The following COL23A1 variants were observed in gnomAD, a reference collection of about 807,000 sequenced individuals.
COL23A1 encodes collagen type XXIII alpha 1 chain.
A neutral mutation model predicts 99.3 loss-of-function variants in COL23A1; 97 were observed. The observed-to-expected ratio is 0.98, with a 90% CI of 0.83 to 1.16. The LOEUF (loss-of-function observed/expected upper bound fraction) is 1.16, where lower values mean the gene tolerates loss of function less well. Among genes scored for constraint, COL23A1 ranks in the 50% most tolerant of loss-of-function variants. The pLI, the probability that COL23A1 is intolerant of heterozygous loss-of-function variation, is 0.00. For synonymous variants in COL23A1, 320 were observed against 308.2 expected, an observed-to-expected ratio of 1.04 and a Z score of -0.40; for missense variants, 762 against 757.4, an observed-to-expected ratio of 1.01 and a Z score of -0.07.
At chr5:178,367,363 A>C (rs1325028962) in intron 2 of COL23A1, among the ~76,000 whole-genome samples, 1 of 148,588 alleles carries the variant, frequency 6.7e-6, no homozygotes, top group Non-Finnish European at 1.5e-5. Flanking sequence ...GAGCGGCAAG[A>C]AGCAGCAGCC....
At chr5:178,576,465 C>T (rs1763364780) in intron 1 of COL23A1, among the ~76,000 whole-genome samples, 1 of 152,346 alleles carries the variant, frequency 6.6e-6, no homozygotes, top group African/African-American at 2.4e-5. Context: ...GAACTCCTGA[C>T]CTCGTGATCC....
chr5:178,251,703 A>G (rs1765038541), intron 17 of COL23A1, among the ~76,000 whole-genome samples: 1 of 152,178 alleles, frequency 6.6e-6, no homozygotes, highest in African/African-American at 2.4e-5. Flanking sequence ...CCTGATAGGT[A>G]GTTTTTCAAC....
intron 8 of COL23A1, among the ~76,000 whole-genome samples, chr5:178,265,994 C>G (rs1755873162): frequency 2.6e-5 from 4 of 152,190 alleles, no homozygotes; most frequent in Admixed American, 2.6e-4. Context: ...CTAACCCTTA[C>G]CCAGGGGCCA....
intron 2 of COL23A1, among the ~76,000 whole-genome samples, chr5:178,495,499 G>A (rs1195478036): frequency 6.6e-6 from 1 of 152,120 alleles, no homozygotes; most frequent in Non-Finnish European, 1.5e-5. Flanking sequence ...TTAACAGCCC[G>A]AATCCTCTGG....
intron 2 of COL23A1, among the ~76,000 whole-genome samples, chr5:178,425,221 G>A (rs1472836997): frequency 2.0e-5 from 3 of 152,080 alleles, no homozygotes; most frequent in Non-Finnish European, 2.9e-5. Context: ...TCAGGAGTTC[G>A]AGACCAGCCT....
intron 2 of COL23A1, among the ~76,000 whole-genome samples, chr5:178,503,387 A>G (rs1393351858): frequency 1.3e-5 from 2 of 152,230 alleles, no homozygotes; most frequent in African/African-American, 4.8e-5. Context: ...AGACAAAGAC[A>G]GTCTGTGAAA....
intron 2 of COL23A1, among the ~76,000 whole-genome samples, chr5:178,404,632 A>G (rs1487503904): frequency 1.4e-5 from 2 of 143,342 alleles, no homozygotes; most frequent in Non-Finnish European, 3.0e-5. Flanking sequence ...TGGCCACTCA[A>G]TAAATCTATG....
intron 2 of COL23A1, among the ~76,000 whole-genome samples, chr5:178,440,831 G>A (rs192455058): frequency 9.2e-5 from 14 of 152,106 alleles, no homozygotes; most frequent in African/African-American, 2.4e-4. Context: ...TGGCCAGGCC[G>A]GTCTCGGACT....
At chr5:178,381,847 A>C (rs186841333) in intron 2 of COL23A1, among the ~76,000 whole-genome samples, 1 of 152,078 alleles carries the variant, frequency 6.6e-6, no homozygotes, top group Non-Finnish European at 1.5e-5. Flanking sequence ...TATTGCCCTC[A>C]CTGTTCTTGA....
chr5:178,276,221 C>T (rs1012948839), intron 5 of COL23A1, among the ~76,000 whole-genome samples: 7 of 152,308 alleles, frequency 4.6e-5, no homozygotes, highest in African/African-American at 7.2e-5. Flanking sequence ...CTCCTGACTG[C>T]GGCCCAGCAC....
In COL23A1 at chr5:178,574,799, C is replaced by T. The variant is rs73804314; in HGVS notation, c.295-14051G>A. 8.5e-3 allele frequency among the ~76,000 whole-genome samples: 1,293 copies of T among 152,202 alleles called. 25 individuals are homozygous for T. Among genetic ancestry groups the T allele is most frequent in the African/African-American group, 0.03 (1,225 of 41,490 alleles). On this transcript the variant is annotated intron_variant, in intron 1 of 28. Transcript: ENST00000390654. Reference sequence around the variant, plus strand: ...CTGAAGGTATTCAGCTTAGCATCTCCGAGTTGGAGAGAATGAGGACACCAT... The same window carrying T: ...CTGAAGGTATTCAGCTTAGCATCTCTGAGTTGGAGAGAATGAGGACACCAT...
intron 2 of COL23A1, among the ~76,000 whole-genome samples, chr5:178,397,946 C>G (rs763777111): frequency 2.0e-5 from 3 of 151,972 alleles, no homozygotes; most frequent in Non-Finnish European, 2.9e-5. Flanking sequence ...GAGATCACAC[C>G]ACTGCACTCC....
chr5:178,245,341 CATCA>C (rs1187190982), intron 25 of COL23A1, among the ~76,000 whole-genome samples: 33 of 136,872 alleles, frequency 2.4e-4, no homozygotes, highest in African/African-American at 7.3e-4. Flanking sequence ...TCCATCCATC[CATCA>C]TTCATCTATT....
At chr5:178,522,591 G>A (rs955019837) in intron 2 of COL23A1, among the ~76,000 whole-genome samples, 2 of 152,192 alleles carry the variant, frequency 1.3e-5, no homozygotes, top group Admixed American at 6.5e-5. Context: ...AATGAAGCAA[G>A]GGGGTCACTG....
Position 178,309,307 on chromosome 5 carries a change from G to A in COL23A1, c.362-2388C>T, listed in dbSNP as rs547610272. Among the ~76,000 whole-genome samples, 41 of 152,292 alleles carry A rather than the reference G, an allele frequency of 2.7e-4. 2 individuals are homozygous for A. The highest frequency in any genetic ancestry group is 7.5e-4 in the African/African-American group (31 of 41,580). The stretch of plus-strand genomic sequence containing the variant: ...GGCAGCTGCCCAGGCAGGGTAGGGT[G>A]CCTGCCTCCCAGGGTCACTGGGCGA... On this transcript the variant is annotated intron_variant, in intron 2 of 28. Coordinates refer to ENST00000390654, the MANE Select transcript of COL23A1 (RefSeq NM_173465.4). This position sits in a 1 kb window ranked among gnomAD's most constrained non-coding sequence, Gnocchi z 4.7.
intron 2 of COL23A1, among the ~76,000 whole-genome samples, chr5:178,471,777 TAGCCCAG>T (rs1756764007): frequency 6.6e-6 from 1 of 152,140 alleles, no homozygotes; most frequent in Admixed American, 6.5e-5. Context: ...ACCAGCCCTG[TAGCCCAG>T]AGCCCACTGG....
intron 2 of COL23A1, among the ~76,000 whole-genome samples, chr5:178,359,799 A>G (rs192573505): frequency 2.6e-4 from 40 of 152,300 alleles, no homozygotes; most frequent in African/African-American, 9.1e-4. Flanking sequence ...ACAGACAGAA[A>G]CTCAGAAATA....
intron 1 of COL23A1, among the ~76,000 whole-genome samples, chr5:178,585,798 C>T (rs181443111): frequency 6.6e-5 from 7 of 106,260 alleles, no homozygotes; most frequent in Admixed American, 3.0e-4. Flanking sequence ...CTACCAAAGC[C>T]TCGATTCTGT....
rs911354245 is a variant in COL23A1, at chr5:178,247,538, G to C, written c.1284C>G (p.Ile428Met). Residue 428 changes from isoleucine to methionine, a missense_variant, in exon 22 of 29, where the codon ATC becomes ATG. By Grantham distance (10) the Ile-to-Met change is conservative. Coordinates refer to ENST00000390654, the MANE Select transcript of COL23A1 (RefSeq NM_173465.4). ...GPPGPMGLQG[I>M]QGPKGLDGAK... ...TGTGCCCACTCACCTTGGGACCCTG[G>C]ATTCCCTGGAGGCCCTGCAGGAGGA... 6.2e-7 allele frequency: 1 copy of C among 1,614,156 alleles called. No individual in the cohort carries two copies. Among genetic ancestry groups the C allele is most frequent in the Non-Finnish European group, 8.5e-7 (1 of 1,180,002 alleles).
Sources: gnomAD v4.1 joint callset for allele counts (sites outside exome capture counted in the v4.1 genomes callset) on GRCh38, gnomAD v4.1.1 for gene constraint, Gnocchi (gnomAD v3.1) non-coding constraint, MANE v1.5 for transcripts, NCBI Gene and HGNC (gene_info 2026-07-23, HGNC 2026-07-21) for gene names.